Variants in ZNF549 observed in about 807,000 individuals in gnomAD.
ZNF549 encodes the protein zinc finger protein 549.
A neutral mutation model predicts 11.1 loss-of-function variants in ZNF549; 11 were observed. That is an observed-to-expected ratio of 0.99 (90% confidence interval 0.62 to 1.64). ZNF549 has a LOEUF of 1.64. Ranked by LOEUF, ZNF549 falls within the 40% of genes most tolerant of loss-of-function variation. The pLI is 0.00. For synonymous variants in ZNF549, 266 were observed against 269.1 expected (o/e 0.99, Z 0.11); for missense variants, 748 against 765.1 (o/e 0.98, Z 0.26).
In ZNF549 at chr19:57,537,868, A is replaced by G; in HGVS notation, c.864A>G (p.Gln288=). 1 of 1,613,688 alleles carries G rather than the reference A, an allele frequency of 6.2e-7. No homozygotes were observed. Among genetic ancestry groups the G allele is most frequent in the Non-Finnish European group, 8.5e-7 (1 of 1,179,840 alleles). The change falls in exon 4 of 4, where the codon CAA becomes CAG. Residue 288 remains glutamine (Q), a synonymous_variant. Coordinates refer to ENST00000376233, the MANE Select transcript of ZNF549 (RefSeq NM_001199295.2). ...NICGKSFLHK[Q]TLVGHQQRIH... is the part of the protein sequence containing the mutation. Reference sequence around the variant, plus strand: ...GTGGGAAATCATTCCTCCATAAACAAACACTCGTTGGGCACCAGCAGAGAA... The same window carrying G: ...GTGGGAAATCATTCCTCCATAAACAGACACTCGTTGGGCACCAGCAGAGAA...
At chr19:57,532,983 T>G (rs1279669152) in intron 2 of ZNF549, among the ~76,000 whole-genome samples, 2 of 152,208 alleles carry the variant, frequency 1.3e-5, no homozygotes, top group Non-Finnish European at 2.9e-5. Context: ...TGGCTGGGAT[T>G]ACAGGCGCCC....
chr19:57,528,316 G>C (rs1023679138), intron 1 of ZNF549, among the ~76,000 whole-genome samples: 2 of 152,174 alleles, frequency 1.3e-5, no homozygotes, highest in African/African-American at 4.8e-5. Context: ...AATAGTAGGA[G>C]TTGAATTTTG....
chr19:57,538,979 G>A lies in ZNF549; in HGVS notation c.*52G>A. The A allele has an allele frequency of 6.6e-7, 1 of 1,525,684 alleles. No individual in the cohort carries two copies. Among genetic ancestry groups the A allele is most frequent in the Non-Finnish European group, 8.7e-7 (1 of 1,142,894 alleles). The allele number at this position is 1,525,684 out of a possible 1,614,324, so 94.5% of individuals were successfully genotyped here. A position where few individuals can be genotyped will look rare whatever the true frequency, so the allele number is the denominator to read the frequency against. On this transcript the variant is annotated 3_prime_UTR_variant, in exon 4 of 4. Coordinates refer to ENST00000376233, the MANE Select transcript of ZNF549 (RefSeq NM_001199295.2). ...ATTCACTGTAGGACACCAGAGAGCT[G>A]ATTTTTCAAGGGATCCAACAGACAG...
chr19:57,528,169 A>G (rs1268009881), intron 1 of ZNF549, among the ~76,000 whole-genome samples: 3 of 152,142 alleles, frequency 2.0e-5, no homozygotes, highest in African/African-American at 7.2e-5. Context: ...CTTAAAGGTA[A>G]AGCCAGCAGG....
rs1483986079 is a variant in ZNF549 at position 57,538,455 on chromosome 19, CCAAA to C, written c.1458_1461del (p.Gln486HisfsTer150). 7 of 1,613,686 alleles carry C rather than the reference CCAAA, an allele frequency of 4.3e-6. No homozygotes were observed. The highest frequency in any genetic ancestry group is 2.2e-5 in the South Asian group (2 of 91,032). Reference sequence around the variant, plus strand: ...AGTGACTGTGGGAAAGCCTTCATCTCCAAACAAACACTTCTTAAGCATCACAAAA... The same window carrying C: ...AGTGACTGTGGGAAAGCCTTCATCTCCAAACACTTCTTAAGCATCACAAAA... On this transcript the variant is annotated frameshift_variant, in exon 4 of 4. Transcript: ENST00000376233. LOFTEE classifies it low-confidence loss of function (END_TRUNC).
In ZNF549 at chr19:57,535,254, G is replaced by A. The variant is rs760189497; in HGVS notation, c.183G>A (p.Ser61=). The A allele has an allele frequency of 1.1e-5, 17 of 1,613,740 alleles. No individual in the cohort carries two copies. The highest frequency in any genetic ancestry group is 1.6e-4 in the Middle Eastern group (1 of 6,080). Residue 61 remains serine (S), a synonymous_variant, in exon 3 of 4, where the codon TCG becomes TCA. Transcript: ENST00000376233. ...LYHDVMLENF[S]LMASVGCLHG... Reference sequence around the variant, plus strand: ...ATGATGTGATGCTGGAGAACTTTTCGCTTATGGCCTCAGTAGGTAAGATCT... The same window carrying A: ...ATGATGTGATGCTGGAGAACTTTTCACTTATGGCCTCAGTAGGTAAGATCT...
Position 57,537,474 on chromosome 19 carries a change from A to G in ZNF549, c.470A>G (p.Glu157Gly), listed in dbSNP as rs1372733668. The G allele has an allele frequency of 6.2e-7, 1 of 1,614,238 alleles. No homozygotes were observed. Among genetic ancestry groups the G allele is most frequent in the Non-Finnish European group, 8.5e-7 (1 of 1,180,052 alleles). Reference protein sequence around the residue: ...LQQHQNQDSGEKHIRKEESSA... With the variant: ...LQQHQNQDSGGKHIRKEESSA... Reference sequence around the variant, plus strand: ...CAGCACCAGAACCAGGACAGTGGAGAGAAACACATCAGAAAGGAGGAGAGC... The same window carrying G: ...CAGCACCAGAACCAGGACAGTGGAGGGAAACACATCAGAAAGGAGGAGAGC... Residue 157 changes from glutamate (E) to glycine (G), a missense_variant, in exon 4 of 4, where the codon GAG (glutamate) becomes GGG (glycine). By Grantham distance (98) the Glu-to-Gly change is moderately conservative. Coordinates refer to ENST00000376233, the MANE Select transcript of ZNF549 (RefSeq NM_001199295.2).
intron 3 of ZNF549, among the ~76,000 whole-genome samples, chr19:57,536,343 C>T (rs1430750691): frequency 6.6e-6 from 1 of 152,172 alleles, no homozygotes; most frequent in Non-Finnish European, 1.5e-5. Flanking sequence ...CTGGTGATTG[C>T]ATGGCTTACT....
intron 1 of ZNF549, among the ~76,000 whole-genome samples, chr19:57,530,538 A>G (rs984699808): frequency 1.3e-5 from 2 of 151,936 alleles, no homozygotes; most frequent in Admixed American, 1.3e-4. Flanking sequence ...CAAGTGGAGA[A>G]AATTACAGTG....
At position 57,538,608 on chromosome 19, in the gene ZNF549, GAA is replaced by G. The variant is rs747489069; in HGVS notation, c.1607_1608del (p.Lys536SerfsTer10). 14 of 1,614,024 alleles carry G rather than the reference GAA, an allele frequency of 8.7e-6. No homozygotes were observed. The East Asian group carries it at 1.3e-4, about 15-fold the overall frequency. On this transcript the variant is annotated frameshift_variant, in exon 4 of 4. Coordinates refer to ENST00000376233, the MANE Select transcript of ZNF549 (RefSeq NM_001199295.2). LOFTEE classifies it low-confidence loss of function (END_TRUNC). ...CAACTTTGTGAGTGCAATGAATGTG[GAA>G]AAGTCTTCAGCCACCAAAAAAGACT...
chr19:57,537,384 C>T lies in ZNF549; in HGVS notation c.380C>T (p.Pro127Leu), dbSNP rs2089929857. 2 of 1,614,138 alleles carry T rather than the reference C, an allele frequency of 1.2e-6. No homozygotes were observed. The highest frequency in any genetic ancestry group is 1.7e-6 in the Non-Finnish European group (2 of 1,180,042). Residue 127 changes from proline to leucine, a missense_variant, in exon 4 of 4, where the codon CCC becomes CTC. Coordinates refer to ENST00000376233, the MANE Select transcript of ZNF549 (RefSeq NM_001199295.2). ...LYLSEHQGTLPWQKPYTSVAS... is the reference protein window; with the variant it reads ...LYLSEHQGTLLWQKPYTSVAS... ...CTCAGTGAGCATCAGGGGACACTTC[C>T]CTGGCAGAAACCTTATACGTCTGTG...
Position 57,535,150 on chromosome 19 carries a change from GTGACCTT to G in ZNF549, c.83_89del (p.Thr28ArgfsTer26). ...ATCTGCCCCCATCATGCAGGGCCATGTGACCTTTGAGGATATTGCTGTGTACTTCTCC... is the reference window on the plus strand; with the variant it reads ...ATCTGCCCCCATCATGCAGGGCCATGTGAGGATATTGCTGTGTACTTCTCC... On this transcript the variant is annotated frameshift_variant, in exon 3 of 4. Transcript: ENST00000376233. LOFTEE classifies it high-confidence loss of function. The G allele has an allele frequency of 6.2e-7, 1 of 1,613,994 alleles. No homozygotes were observed. The highest frequency in any genetic ancestry group is 8.5e-7 in the Non-Finnish European group (1 of 1,179,902).
At chr19:57,537,052 C>A in intron 3 of ZNF549, 152 bp from the exon 4 acceptor site, 1 of 837,066 alleles carries the variant, frequency 1.2e-6, no homozygotes, top group Non-Finnish European at 1.8e-6. Context: ...GATATGACTG[C>A]AACTGCACTC....
chr19:57,531,253 A>C (rs1297426226), intron 2 of ZNF549, 145 bp downstream of exon 2: 5 of 767,092 alleles, frequency 6.5e-6, no homozygotes, highest in Non-Finnish European at 2.1e-6. Flanking sequence ...AGGATGATTA[A>C]TCAGGGTCAG....
intron 3 of ZNF549, among the ~76,000 whole-genome samples, chr19:57,536,429 T>G (rs1053872297): frequency 6.6e-6 from 1 of 152,158 alleles, no homozygotes; most frequent in Non-Finnish European, 1.5e-5. Flanking sequence ...AAGTTCAAAA[T>G]TCAAAGTATG....
chr19:57,538,986 C>G lies in ZNF549; in HGVS notation c.*59C>G. ...GTAGGACACCAGAGAGCTGATTTTTCAAGGGATCCAACAGACAGAAATTCA... is the reference window on the plus strand; with the variant it reads ...GTAGGACACCAGAGAGCTGATTTTTGAAGGGATCCAACAGACAGAAATTCA... On this transcript the variant is annotated 3_prime_UTR_variant, in exon 4 of 4. Coordinates refer to ENST00000376233, the MANE Select transcript of ZNF549 (RefSeq NM_001199295.2). 2 of 1,517,034 alleles carry G rather than the reference C, an allele frequency of 1.3e-6. No homozygotes were observed. The highest frequency in any genetic ancestry group is 8.8e-7 in the Non-Finnish European group (1 of 1,136,526). 94.0% of individuals were successfully genotyped at this position (1,517,034 alleles called of 1,614,324 possible). A position where few individuals can be genotyped will look rare whatever the true frequency, so the allele number is the denominator to read the frequency against.
At position 57,528,625 on chromosome 19, in the gene ZNF549, C is replaced by T. The variant is rs933877432; in HGVS notation, c.33+1019C>T. ...TTCCAAAGGGAATGTGTAAGGAATA[C>T]ACACTGCATAGGATGGATTTGAGGG... On this transcript the variant is annotated intron_variant, in intron 1 of 3. Coordinates refer to ENST00000376233, the MANE Select transcript of ZNF549 (RefSeq NM_001199295.2). Among the ~76,000 whole-genome samples, 8 of 152,138 alleles carry T rather than the reference C, an allele frequency of 5.3e-5. 1 individual carries two copies. The highest frequency in any genetic ancestry group is 1.2e-4 in the Non-Finnish European group (8 of 68,032).
rs2089882730 is a variant in ZNF549, at chr19:57,527,510, G to C, written c.-64G>C. ...GAGCGTCGCCCAGCGATTTGCCACC[G>C]CACGCACGCCGGATCCCGGGCTTTA... On this transcript the variant is annotated 5_prime_UTR_variant, in exon 1 of 4. Coordinates refer to ENST00000376233, the MANE Select transcript of ZNF549 (RefSeq NM_001199295.2). 6.2e-7 allele frequency: 1 copy of C among 1,606,258 alleles called. No homozygotes were observed. Among genetic ancestry groups the C allele is most frequent in the Non-Finnish European group, 8.5e-7 (1 of 1,176,140 alleles).
intron 1 of ZNF549, among the ~76,000 whole-genome samples, chr19:57,527,917 T>C (rs1327954088): frequency 1.3e-5 from 2 of 152,074 alleles, no homozygotes; most frequent in African/African-American, 2.4e-5. Context: ...AACCGGGGTT[T>C]TTAATTCTGA....
Sources: allele counts gnomAD v4.1 joint callset (sites outside exome capture counted in the v4.1 genomes callset), GRCh38; gene constraint gnomAD v4.1.1; transcripts MANE v1.5; gene names NCBI Gene and HGNC (gene_info 2026-07-23, HGNC 2026-07-21).